Variants in PALM2AKAP2 observed in about 807,000 individuals in gnomAD.
PALM2AKAP2 encodes the protein PALM2-AKAP2 fusion protein.
A neutral mutation model predicts 71.5 loss-of-function variants in PALM2AKAP2; 37 were observed. The observed-to-expected ratio is 0.52, with a 90% CI of 0.40 to 0.68. PALM2AKAP2 has a LOEUF of 0.68. Among genes scored for constraint, PALM2AKAP2 ranks in the 30% least tolerant of loss-of-function variants. The pLI is 0.00. For missense variants in PALM2AKAP2, 1,224 were observed against 1,191.8 expected, an observed-to-expected ratio of 1.03 and a Z score of -0.40; for synonymous variants, 468 against 478.8, an observed-to-expected ratio of 0.98 and a Z score of 0.29.
chr9:110,054,456 A>G (rs980499234), intron 1 of PALM2AKAP2, among the ~76,000 whole-genome samples: 9 of 152,360 alleles, frequency 5.9e-5, no homozygotes, highest in African/African-American at 2.2e-4. Context: ...TCAGATGGTT[A>G]TGGAAGCACC....
chr9:109,772,942 C>T (rs1193319565), intron 1 of PALM2AKAP2, among the ~76,000 whole-genome samples: 1 of 152,076 alleles, frequency 6.6e-6, no homozygotes, highest in Non-Finnish European at 1.5e-5. Flanking sequence ...CACGGTGAAA[C>T]CCCATCTCTA....
chr9:110,097,204 AC>A (rs1393459688), intron 1 of PALM2AKAP2, among the ~76,000 whole-genome samples: 2 of 150,908 alleles, frequency 1.3e-5, no homozygotes, highest in Admixed American at 1.3e-4. Flanking sequence ...CACATCTTGC[AC>A]CGCCCTTAAT....
chr9:110,021,135 G>C (rs1407241743), intron 7 of PALM2AKAP2, among the ~76,000 whole-genome samples: 1 of 152,124 alleles, frequency 6.6e-6, no homozygotes, highest in Non-Finnish European at 1.5e-5. Flanking sequence ...CTTGAGATGA[G>C]AGCATCCTGG....
intron 1 of PALM2AKAP2, among the ~76,000 whole-genome samples, chr9:110,124,166 T>G (rs894744888): frequency 6.6e-6 from 1 of 152,248 alleles, no homozygotes; most frequent in African/African-American, 2.4e-5. Flanking sequence ...AGAGCCTTCC[T>G]GGGCTCCATC....
At chr9:109,692,849 A>T (rs929646837) in intron 1 of PALM2AKAP2, among the ~76,000 whole-genome samples, 5 of 151,982 alleles carry the variant, frequency 3.3e-5, no homozygotes, top group Admixed American at 6.6e-5. Context: ...AAAAAAATTT[A>T]AAAGTTTTGC....
chr9:109,802,410 A>G lies in PALM2AKAP2; in HGVS notation c.45+21877A>G, dbSNP rs182180862. ...GGGCCCTACAAATTATGTAGCCAGC[A>G]GTGGGTTGTCATACCCCAGAGTCCC... is the stretch of plus-strand genomic sequence containing the variant. On this transcript the variant is annotated intron_variant, in intron 1 of 9. Coordinates refer to the PALM2AKAP2 transcript ENST00000302798. Among the ~76,000 whole-genome samples the G allele has an allele frequency of 8.3e-4, 126 of 152,338 alleles. 2 individuals are homozygous for G. In the East Asian group the frequency reaches 0.021, roughly 26 times the overall value.
At chr9:110,135,164 A>ATAT (rs1554755279) in intron 1 of PALM2AKAP2, among the ~76,000 whole-genome samples, 1 of 51,742 alleles carries the variant, frequency 1.9e-5, no homozygotes, top group African/African-American at 7.4e-5. Flanking sequence ...AAAAAAAAAA[A>ATAT]ATATATAAAT....
At chr9:109,757,771 T>C (rs1828986807) in intron 1 of PALM2AKAP2, among the ~76,000 whole-genome samples, 1 of 152,046 alleles carries the variant, frequency 6.6e-6, no homozygotes, top group Non-Finnish European at 1.5e-5. Context: ...CAAAAATGTA[T>C]AGGCTTGTCT....
intron 6 of PALM2AKAP2, among the ~76,000 whole-genome samples, chr9:109,952,710 G>A (rs916152955): frequency 5.3e-5 from 8 of 152,150 alleles, no homozygotes; most frequent in African/African-American, 1.9e-4. Flanking sequence ...GAATGGCAGG[G>A]CTTTCTTTAC....
At chr9:109,951,622 C>T (rs1276563899) in intron 6 of PALM2AKAP2, among the ~76,000 whole-genome samples, 1 of 152,210 alleles carries the variant, frequency 6.6e-6, no homozygotes, top group East Asian at 1.9e-4. Flanking sequence ...GCTTCAGAAT[C>T]ACCCGGGGGT....
In PALM2AKAP2 at chr9:110,136,453, G is replaced by A. The variant is rs369593921; in HGVS notation, c.483G>A (p.Thr161=). 25 of 1,614,176 alleles carry A rather than the reference G, an allele frequency of 1.5e-5. 1 individual carries two copies. The highest frequency in any genetic ancestry group is 5.0e-5 in the Admixed American group (3 of 60,024). ...GCTGTGATTCTGCTGTGGATGGAAC[G>A]TACAATGGAACATCCTCCCCAGAGC... The change falls in exon 2 of 4, where the codon ACG becomes ACA. Residue 161 remains threonine (T), a synonymous_variant. Transcript: ENST00000374525.
chr9:109,977,671 A>T (rs77186791), intron 6 of PALM2AKAP2, among the ~76,000 whole-genome samples: 1 of 152,190 alleles, frequency 6.6e-6, no homozygotes, highest in African/African-American at 2.4e-5. Context: ...ATTTACTGAC[A>T]TACATATCCT....
chr9:110,137,978 G>A lies in PALM2AKAP2; in HGVS notation c.2008G>A (p.Ala670Thr). 1.9e-6 allele frequency: 3 copies of A among 1,614,080 alleles called. 1 individual carries two copies. In the South Asian group the frequency reaches 3.3e-5, roughly 18 times the overall value. The change falls in exon 2 of 4, where the codon GCC (alanine) becomes ACC (threonine). Residue 670 changes from alanine to threonine, a missense_variant. Ala to Thr is a moderately conservative substitution (Grantham distance 58). Coordinates refer to ENST00000374525, the Ensembl canonical transcript of PALM2AKAP2. Reference sequence around the variant, plus strand: ...CCTGGTGCAGAATGCCATTCAACAAGCCATAGCCGAGCAGGTGGATAAAGC... The same window carrying A: ...CCTGGTGCAGAATGCCATTCAACAAACCATAGCCGAGCAGGTGGATAAAGC...
At chr9:109,662,921 T>C (rs527373414) in intron 1 of PALM2AKAP2, among the ~76,000 whole-genome samples, 1 of 152,330 alleles carries the variant, frequency 6.6e-6, no homozygotes, top group East Asian at 1.9e-4. Flanking sequence ...CAGGAATTTA[T>C]CCATTTCTTC....
At chr9:109,748,532 T>C (rs1828836872) in intron 1 of PALM2AKAP2, among the ~76,000 whole-genome samples, 1 of 152,228 alleles carries the variant, frequency 6.6e-6, no homozygotes, top group Admixed American at 6.5e-5. Flanking sequence ...AAATAATGTG[T>C]GATGCTAACA....
chr9:109,685,694 G>T (rs1300994361), intron 1 of PALM2AKAP2, among the ~76,000 whole-genome samples: 2 of 151,956 alleles, frequency 1.3e-5, no homozygotes, highest in African/African-American at 4.8e-5. Context: ...TGGTGGTAGG[G>T]TCTTGCCTTG....
At chr9:109,648,402 A>G (rs141848396) in intron 1 of PALM2AKAP2, among the ~76,000 whole-genome samples, 4 of 152,344 alleles carry the variant, frequency 2.6e-5, no homozygotes, top group African/African-American at 9.6e-5. Flanking sequence ...TTTTCATCCT[A>G]GGCACTGCTC....
intron 1 of PALM2AKAP2, among the ~76,000 whole-genome samples, chr9:110,119,003 G>A (rs1442000601): frequency 6.6e-6 from 1 of 151,986 alleles, no homozygotes; most frequent in Non-Finnish European, 1.5e-5. Context: ...AATTATCATA[G>A]AGCTGGGAGT....
At chr9:109,703,474 T>A (rs1319417887) in intron 1 of PALM2AKAP2, among the ~76,000 whole-genome samples, 1 of 152,206 alleles carries the variant, frequency 6.6e-6, no homozygotes, top group East Asian at 1.9e-4. Flanking sequence ...TATTATGTCC[T>A]GAAAATGTCT....
Sources: allele counts gnomAD v4.1 joint callset (sites outside exome capture counted in the v4.1 genomes callset), GRCh38; gene constraint gnomAD v4.1.1; transcripts MANE v1.5; gene names NCBI Gene and HGNC (gene_info 2026-07-23, HGNC 2026-07-21).